Variants in NAALADL1 observed in about 807,000 individuals in gnomAD.
NAALADL1 encodes the protein aminopeptidase NAALADL1.
A neutral mutation model predicts 82.8 loss-of-function variants in NAALADL1; 77 were observed. That is an observed-to-expected ratio of 0.93 (90% CI 0.77 to 1.12). The LOEUF is 1.12. Ranked by LOEUF, NAALADL1 falls within the 50% of genes most tolerant of loss-of-function variation. The probability of loss-of-function intolerance (pLI) is 0.00; values close to 1 mark genes in which losing one functional copy is unlikely to be tolerated. For synonymous variants in NAALADL1, 358 were observed against 399.2 expected, an observed-to-expected ratio of 0.90 and a Z score of 1.23; for missense variants, 956 against 964.0, an observed-to-expected ratio of 0.99 and a Z score of 0.11.
chr11:65,052,513 C>T (rs1022826616), intron 8 of NAALADL1, among the ~76,000 whole-genome samples: 7 of 152,150 alleles, frequency 4.6e-5, no homozygotes, highest in Admixed American at 1.3e-4. Context: ...GGGGTTTCAC[C>T]ATGTTGGCCA....
At position 65,053,120 on chromosome 11, in the gene NAALADL1, T is replaced by C; in HGVS notation, c.1198+98A>G. On this transcript the variant is annotated intron_variant, in intron 8 of 17. Coordinates refer to ENST00000358658, the MANE Select transcript of NAALADL1 (RefSeq NM_005468.3). This position sits in a 1 kb window ranked among gnomAD's most constrained non-coding sequence, Gnocchi z 4.3. ...TGTCTGCCCCCAGGGCCCTCAGGCA[T>C]GGCACAAGGAGCACTGCAGTGTGAG... 1 of 1,409,204 alleles carries C rather than the reference T, an allele frequency of 7.1e-7. No homozygotes were observed. Among genetic ancestry groups the C allele is most frequent in the Non-Finnish European group, 9.4e-7 (1 of 1,061,102 alleles). 87.3% of individuals were successfully genotyped at this position (1,409,204 alleles called of 1,614,324 possible).
Position 65,045,005 on chromosome 11 carries a change from C to T in NAALADL1, c.*266G>A. On this transcript the variant is annotated 3_prime_UTR_variant, in exon 18 of 18. Coordinates refer to ENST00000358658, the MANE Select transcript of NAALADL1 (RefSeq NM_005468.3). ...CTGAGGTTGGCACGCATCCCATCTC[C>T]ACCCACCTGCCACCAAGGGCAGTTG... The T allele has an allele frequency of 1.6e-6, 1 of 607,982 alleles. No individual in the cohort carries two copies. The highest frequency in any genetic ancestry group is 2.9e-6 in the Non-Finnish European group (1 of 349,740). 37.7% of individuals were successfully genotyped at this position (607,982 alleles called of 1,614,324 possible).
chr11:65,044,958 C>A lies in NAALADL1; in HGVS notation c.*313G>T. 1.6e-6 allele frequency: 1 copy of A among 629,854 alleles called. No individual in the cohort carries two copies. Among genetic ancestry groups the A allele is most frequent in the Non-Finnish European group, 2.7e-6 (1 of 368,404 alleles). The allele number at this position is 629,854 out of a possible 1,614,324, so 39.0% of individuals were successfully genotyped here. On this transcript the variant is annotated 3_prime_UTR_variant, in exon 18 of 18. Coordinates refer to ENST00000358658, the MANE Select transcript of NAALADL1 (RefSeq NM_005468.3). This position sits in a 1 kb window ranked among gnomAD's most constrained non-coding sequence, Gnocchi z 4.0. Reference sequence around the variant, plus strand: ...ACTCACTTTCGCCACTGGTCCTTGGCCTTGATGACCTGAGTTGGCATCTGA... The same window carrying A: ...ACTCACTTTCGCCACTGGTCCTTGGACTTGATGACCTGAGTTGGCATCTGA...
rs369904904 is a variant in NAALADL1 at position 65,053,605 on chromosome 11, T to G, written c.993-29A>C. The stretch of plus-strand genomic sequence containing the variant: ...GGGAGGGTGAAGGGTGTGAGAAGAC[T>G]CTTGGCCTTGCCCACTGCCCCCGAC... On this transcript the variant is annotated intron_variant, in intron 6 of 17. Transcript: ENST00000358658. This position sits in a 1 kb window ranked among gnomAD's most constrained non-coding sequence, Gnocchi z 4.3. 56 of 1,553,720 alleles carry G rather than the reference T, an allele frequency of 3.6e-5. No individual in the cohort carries two copies. Among genetic ancestry groups the G allele is most frequent in the Non-Finnish European group, 4.4e-5 (50 of 1,146,282 alleles).
In NAALADL1 at chr11:65,053,668, G is replaced by A; in HGVS notation, c.993-92C>T. 2.6e-6 allele frequency: 3 copies of A among 1,166,952 alleles called. No homozygotes were observed. The highest frequency in any genetic ancestry group is 3.6e-6 in the Non-Finnish European group (3 of 831,454). The allele number at this position is 1,166,952 out of a possible 1,614,324, so 72.3% of individuals were successfully genotyped here. On this transcript the variant is annotated intron_variant, in intron 6 of 17. Transcript: ENST00000358658. This position sits in a 1 kb window ranked among gnomAD's most constrained non-coding sequence, Gnocchi z 4.3. ...ACACTGAGGCCCGGAGCTGGAAAGTGACGTGGCAAGGCCATTCATTGGCCC... is the reference window on the plus strand; with the variant it reads ...ACACTGAGGCCCGGAGCTGGAAAGTAACGTGGCAAGGCCATTCATTGGCCC...
At position 65,058,498 on chromosome 11, in the gene NAALADL1, C is replaced by G; in HGVS notation, c.24G>C (p.Gly8=). Residue 8 remains glycine (G), a synonymous_variant, in exon 1 of 18, where the codon GGG becomes GGC. Transcript: ENST00000358658. ...AGAGGGCAGCAGCCCCCAGCCCCAGCCCCAACACCTTCGTCCACTGCATCC... is the reference window on the plus strand; with the variant it reads ...AGAGGGCAGCAGCCCCCAGCCCCAGGCCCAACACCTTCGTCCACTGCATCC... MQWTKVL[G]LGLGAAALLG... is the part of the protein sequence containing the mutation. The G allele has an allele frequency of 6.2e-7, 1 of 1,606,838 alleles. No homozygotes were observed. The highest frequency in any genetic ancestry group is 8.5e-7 in the Non-Finnish European group (1 of 1,176,632).
Position 65,054,792 on chromosome 11 carries a change from C to G in NAALADL1, c.604-54G>C. ...AGGGAGGGACCGGGACCAGATATGT[C>G]CTATTCCTCTTCCTCCTTCCTCGAC... On this transcript the variant is annotated intron_variant, in intron 4 of 17. Transcript: ENST00000358658. The surrounding 1 kb of genome is among the most constrained non-coding windows in gnomAD (Gnocchi z 4.3). 1 of 1,571,770 alleles carries G rather than the reference C, an allele frequency of 6.4e-7. No homozygotes were observed. Among genetic ancestry groups the G allele is most frequent in the Non-Finnish European group, 8.6e-7 (1 of 1,158,526 alleles).
At position 65,044,875 on chromosome 11, in the gene NAALADL1, G is replaced by C. The variant is rs1946683279; in HGVS notation, c.*396C>G. On this transcript the variant is annotated 3_prime_UTR_variant, in exon 18 of 18. Coordinates refer to ENST00000358658, the MANE Select transcript of NAALADL1 (RefSeq NM_005468.3). This position sits in a 1 kb window ranked among gnomAD's most constrained non-coding sequence, Gnocchi z 4.0. ...TTTGAGGGGCTGTTGTAGGGAGTTA[G>C]GATACACAGCATGCAGGGAGAGGAA... 1 of 905,032 alleles carries C rather than the reference G, an allele frequency of 1.1e-6. No homozygotes were observed. The highest frequency in any genetic ancestry group is 1.6e-6 in the Non-Finnish European group (1 of 615,336). 56.1% of individuals were successfully genotyped at this position (905,032 alleles called of 1,614,324 possible). A position where few individuals can be genotyped will look rare whatever the true frequency, so the allele number is the denominator to read the frequency against.
At position 65,046,126 on chromosome 11, in the gene NAALADL1, A is replaced by G; in HGVS notation, c.1856-12T>C. 1 of 1,614,126 alleles carries G rather than the reference A, an allele frequency of 6.2e-7. No homozygotes were observed. The highest frequency in any genetic ancestry group is 8.5e-7 in the Non-Finnish European group (1 of 1,180,020). On this transcript the variant is annotated splice_polypyrimidine_tract_variant and intron_variant, in intron 15 of 17. Coordinates refer to ENST00000358658, the MANE Select transcript of NAALADL1 (RefSeq NM_005468.3). ...AGTCACCAGAGGCCCTGTGAGGAAC[A>G]AGCAGTGGCTCAGTCATGGGGGTGC...
At chr11:65,048,497 G>A in intron 8 of NAALADL1, 112 bp from the exon 9 acceptor site, 1 of 1,186,494 alleles carries the variant, frequency 8.4e-7, no homozygotes, top group South Asian at 1.3e-5. Flanking sequence ...GGGGCAGCTG[G>A]TGACAGGATG....
chr11:65,053,595 G>T lies in NAALADL1; in HGVS notation c.993-19C>A. On this transcript the variant is annotated intron_variant, in intron 6 of 17. Coordinates refer to ENST00000358658, the MANE Select transcript of NAALADL1 (RefSeq NM_005468.3). The surrounding 1 kb of genome is among the most constrained non-coding windows in gnomAD (Gnocchi z 4.3). Reference sequence around the variant, plus strand: ...CACCTGGCTGGGGAGGGTGAAGGGTGTGAGAAGACTCTTGGCCTTGCCCAC... The same window carrying T: ...CACCTGGCTGGGGAGGGTGAAGGGTTTGAGAAGACTCTTGGCCTTGCCCAC... The T allele has an allele frequency of 6.4e-7, 1 of 1,572,428 alleles. No homozygotes were observed. The highest frequency in any genetic ancestry group is 8.6e-7 in the Non-Finnish European group (1 of 1,156,952).
In NAALADL1 at chr11:65,053,441, T is replaced by C; in HGVS notation, c.1078+50A>G. The C allele has an allele frequency of 6.2e-7, 1 of 1,612,274 alleles. No individual in the cohort carries two copies. The highest frequency in any genetic ancestry group is 1.1e-5 in the South Asian group (1 of 91,020). ...GCAGGGCTGGATGAGGACAGCGGCA[T>C]CCAGAGCAGAGCAGGGGCCTGGGGT... On this transcript the variant is annotated intron_variant, in intron 7 of 17. Transcript: ENST00000358658. This position sits in a 1 kb window ranked among gnomAD's most constrained non-coding sequence, Gnocchi z 4.3.
chr11:65,058,784 G>T (rs978437569), upstream of NAALADL1, among the ~76,000 whole-genome samples: 1 of 152,176 alleles, frequency 6.6e-6, no homozygotes, highest in Non-Finnish European at 1.5e-5. Flanking sequence ...GGCTCATCCA[G>T]GGTGTCCCAG....
rs113007376 is a variant in NAALADL1 at position 65,055,206 on chromosome 11, C to T, written c.604-468G>A. Among the ~76,000 whole-genome samples, 705 of 152,242 alleles carry T rather than the reference C, an allele frequency of 4.6e-3. 11 individuals are homozygous for T. The highest frequency in any genetic ancestry group is 0.015 in the African/African-American group (629 of 41,530). ...CACCTGAGGTGGGATCACCTGAGGTCAAGACCAGCAGGTAGATCACCTGAG... is the reference window on the plus strand; with the variant it reads ...CACCTGAGGTGGGATCACCTGAGGTTAAGACCAGCAGGTAGATCACCTGAG... On this transcript the variant is annotated intron_variant, in intron 4 of 17. Transcript: ENST00000358658.
At chr11:65,047,910 C>CCG in intron 11 of NAALADL1, 71 bp downstream of exon 11, 4 of 1,358,308 alleles carry the variant, frequency 2.9e-6, no homozygotes, top group Non-Finnish European at 4.0e-6. Context: ...CCCGCCCACC[C>CCG]GTAGCGGCCC....
rs780730951 is a variant in NAALADL1 at position 65,058,550 on chromosome 11, G to C, written c.-29C>G. The C allele has an allele frequency of 9.7e-6, 15 of 1,551,094 alleles. 1 individual carries two copies. Among genetic ancestry groups the C allele is most frequent in the Middle Eastern group, 1.7e-4 (1 of 5,772 alleles). On this transcript the variant is annotated 5_prime_UTR_variant, in exon 1 of 18. Coordinates refer to ENST00000358658, the MANE Select transcript of NAALADL1 (RefSeq NM_005468.3). ...GCGGACTCTTGGCCAGCTGGGGTAG[G>C]ACTGGTCTATAGGTTATTCCCTATA... is the stretch of plus-strand genomic sequence containing the variant.
At chr11:65,052,458 T>A (rs1340021818) in intron 8 of NAALADL1, among the ~76,000 whole-genome samples, 1 of 152,078 alleles carries the variant, frequency 6.6e-6, no homozygotes, top group Non-Finnish European at 1.5e-5. Context: ...GGACTACAGG[T>A]GCACACCACC....
chr11:65,047,441 G>A, intron 13 of NAALADL1, 34 bp downstream of exon 13: 1 of 1,534,162 alleles, frequency 6.5e-7, no homozygotes, highest in Non-Finnish European at 8.8e-7. Context: ...ATGCAGCAAG[G>A]TACCGAGGCA....
rs1013113384 is a variant in NAALADL1 at position 65,053,193 on chromosome 11, G to C, written c.1198+25C>G. 104 of 1,516,166 alleles carry C rather than the reference G, an allele frequency of 6.9e-5. No individual in the cohort carries two copies. Among genetic ancestry groups the C allele is most frequent in the Non-Finnish European group, 9.2e-5 (104 of 1,130,002 alleles). The allele number at this position is 1,516,166 out of a possible 1,614,324, so 93.9% of individuals were successfully genotyped here. A position where few individuals can be genotyped will look rare whatever the true frequency, so the allele number is the denominator to read the frequency against. On this transcript the variant is annotated intron_variant, in intron 8 of 17. Transcript: ENST00000358658. The surrounding 1 kb of genome is among the most constrained non-coding windows in gnomAD (Gnocchi z 4.3). ...GGGACCTCCGGGGGCGAAGGTCCCT[G>C]GTCCAGGGGAGGGGGCCGCCTCACC...
Sources: allele counts gnomAD v4.1 joint callset (sites outside exome capture counted in the v4.1 genomes callset), GRCh38; gene constraint gnomAD v4.1.1; non-coding constraint Gnocchi (gnomAD v3.1); transcripts MANE v1.5; gene names NCBI Gene and HGNC (gene_info 2026-07-23, HGNC 2026-07-21).